CLEC4M: variants seen among roughly 807,000 people sequenced by gnomAD.
CLEC4M encodes C-type lectin domain family 4 member M.
A neutral mutation model predicts 39.1 loss-of-function variants in CLEC4M; 25 were observed. The ratio of observed to expected loss-of-function variants is 0.64; its 90% CI spans 0.47 to 0.89. CLEC4M has a LOEUF of 0.89. Ranked by LOEUF, CLEC4M falls within the 40% of genes least tolerant of loss-of-function variation. The pLI, the probability that CLEC4M is intolerant of heterozygous loss-of-function variation, is 0.00. For synonymous variants in CLEC4M, 155 were observed against 177.4 expected, an observed-to-expected ratio of 0.87 and a Z score of 1.00; for missense variants, 353 against 431.4, an observed-to-expected ratio of 0.82 and a Z score of 1.61.
intron 6 of CLEC4M, 96 bp downstream of exon 6, chr19:7,767,724 A>G (rs779752971): frequency 3.0e-6 from 3 of 989,278 alleles, no homozygotes; most frequent in Middle Eastern, 2.1e-4. Flanking sequence ...AACCTCCCTG[A>G]CCCCATAGGA....
Position 7,766,693 on chromosome 19 carries a change from C to G in CLEC4M, c.822C>G (p.Phe274Leu), listed in dbSNP as rs200725157. 6.2e-7 allele frequency: 1 copy of G among 1,614,240 alleles called. No homozygotes were observed. Among genetic ancestry groups the G allele is most frequent in the Admixed American group, 1.7e-5 (1 of 60,026 alleles). The change falls in exon 5 of 7, where the codon TTC (phenylalanine) becomes TTG (leucine). Residue 274 changes from phenylalanine to leucine, a missense_variant. Physicochemically the swap from Phe to Leu is conservative, Grantham distance 22. Around this residue, in one of 4 missense-constraint regions of CLEC4M, gnomAD observed 196 missense variants for 211.7 expected, o/e 0.93. Transcript: ENST00000327325. ...LCRHCPKDWT[F>L]FQGNCYFMSN... ...GCCACTGTCCCAAGGACTGGACATTCTTCCAAGGAAACTGTTACTTCATGT... is the reference window on the plus strand; with the variant it reads ...GCCACTGTCCCAAGGACTGGACATTGTTCCAAGGAAACTGTTACTTCATGT...
chr19:7,767,155 C>T (rs1326045736), intron 5 of CLEC4M: 2 of 441,756 alleles, frequency 4.5e-6, no homozygotes, highest in Non-Finnish European at 8.4e-6. Flanking sequence ...GATGTGCTGT[C>T]ACTCAGTGCA....
chr19:7,769,081 A>G lies in CLEC4M; in HGVS notation c.*93A>G. 1 of 1,334,044 alleles carries G rather than the reference A, an allele frequency of 7.5e-7. No homozygotes were observed. The allele number at this position is 1,334,044 out of a possible 1,614,324, so 82.6% of individuals were successfully genotyped here. ...TTCTTCTCTCCATCCTTGGACCTTCACAAATGCCCTGAGACGGTTCTCTGT... is the reference window on the plus strand; with the variant it reads ...TTCTTCTCTCCATCCTTGGACCTTCGCAAATGCCCTGAGACGGTTCTCTGT... On this transcript the variant is annotated 3_prime_UTR_variant, in exon 7 of 7. Coordinates refer to ENST00000327325, the MANE Select transcript of CLEC4M (RefSeq NM_014257.5).
Position 7,769,513 on chromosome 19 carries a change from A to T in CLEC4M, c.*525A>T, listed in dbSNP as rs1206213205. The T allele has an allele frequency of 6.5e-6, 1 of 153,382 alleles. No individual in the cohort carries two copies. The highest frequency in any genetic ancestry group is 2.4e-5 in the African/African-American group (1 of 41,210). The allele number at this position is 153,382 out of a possible 1,614,324, so 9.5% of individuals were successfully genotyped here. On this transcript the variant is annotated 3_prime_UTR_variant, in exon 7 of 7. Transcript: ENST00000327325. ...ATGGAGGCTCCATACAACCTCTTCCACCCCCACATCTTTCTTTGTCCTATA... is the reference window on the plus strand; with the variant it reads ...ATGGAGGCTCCATACAACCTCTTCCTCCCCCACATCTTTCTTTGTCCTATA...
chr19:7,767,038 T>C (rs965006363), intron 5 of CLEC4M: 5 of 688,662 alleles, frequency 7.3e-6, no homozygotes, highest in African/African-American at 7.2e-5. Context: ...CACCACAGCA[T>C]GCTGCAGGTG....
chr19:7,768,880 G>A lies in CLEC4M; in HGVS notation c.1092G>A (p.Gly364=). 3.1e-6 allele frequency: 5 copies of A among 1,614,186 alleles called. No homozygotes were observed. The highest frequency in any genetic ancestry group is 1.3e-5 in the African/African-American group (1 of 75,056). Residue 364 remains glycine, a synonymous_variant, in exon 7 of 7, where the codon GGG becomes GGA. Transcript: ENST00000327325. The stretch of plus-strand genomic sequence containing the variant: ...ACAGTGGAGAACCCAACAATAGCGG[G>A]AATGAAGACTGTGCGGAATTTAGTG... ...YWNSGEPNNS[G]NEDCAEFSGS...
chr19:7,769,090 C>A lies in CLEC4M; in HGVS notation c.*102C>A. The A allele has an allele frequency of 8.1e-7, 1 of 1,236,790 alleles. No individual in the cohort carries two copies. The highest frequency in any genetic ancestry group is 1.1e-6 in the Non-Finnish European group (1 of 880,126). The allele number at this position is 1,236,790 out of a possible 1,614,324, so 76.6% of individuals were successfully genotyped here. ...CCATCCTTGGACCTTCACAAATGCC[C>A]TGAGACGGTTCTCTGTTCGATTTTT... On this transcript the variant is annotated 3_prime_UTR_variant, in exon 7 of 7. Coordinates refer to ENST00000327325, the MANE Select transcript of CLEC4M (RefSeq NM_014257.5).
In CLEC4M at chr19:7,769,033, T is replaced by A; in HGVS notation, c.*45T>A. 4 of 1,593,102 alleles carry A rather than the reference T, an allele frequency of 2.5e-6. No homozygotes were observed. Among genetic ancestry groups the A allele is most frequent in the Non-Finnish European group, 3.4e-6 (4 of 1,165,096 alleles). ...AGCCTCCATTGTGGTATAGCAGAAC[T>A]TCACCCACTTGTAAGCCAGCGCTTC... On this transcript the variant is annotated 3_prime_UTR_variant, in exon 7 of 7. Coordinates refer to ENST00000327325, the MANE Select transcript of CLEC4M (RefSeq NM_014257.5).
chr19:7,763,287 A>T lies in CLEC4M; in HGVS notation c.21A>T (p.Pro7=), dbSNP rs201508426. MSDSKE[P]RVQQLGLLEE... Reference sequence around the variant, plus strand: ...AAAACATGAGTGACTCCAAGGAACCAAGGGTGCAGCAGCTGGGCCTCCTGG... The same window carrying T: ...AAAACATGAGTGACTCCAAGGAACCTAGGGTGCAGCAGCTGGGCCTCCTGG... Residue 7 remains proline (P), a synonymous_variant, in exon 1 of 7, where the codon CCA becomes CCT. Coordinates refer to ENST00000327325, the MANE Select transcript of CLEC4M (RefSeq NM_014257.5). 1 of 1,607,448 alleles carries T rather than the reference A, an allele frequency of 6.2e-7. No individual in the cohort carries two copies. The highest frequency in any genetic ancestry group is 1.1e-5 in the South Asian group (1 of 89,944).
At chr19:7,767,157 C>T (rs1256744925) in intron 5 of CLEC4M, 2 of 442,170 alleles carry the variant, frequency 4.5e-6, no homozygotes, top group African/African-American at 2.0e-5. Context: ...TGTGCTGTCA[C>T]TCAGTGCAGA....
chr19:7,765,202 G>A lies in CLEC4M; in HGVS notation c.148G>A (p.Ala50Thr), dbSNP rs370560578. 1.8e-5 allele frequency: 29 copies of A among 1,614,014 alleles called. No homozygotes were observed. The highest frequency in any genetic ancestry group is 1.6e-4 in the Middle Eastern group (1 of 6,084). The change falls in exon 3 of 7, where the codon GCC becomes ACC. Residue 50 changes from alanine (A) to threonine (T), a missense_variant. Physicochemically the swap from Ala to Thr is moderately conservative, Grantham distance 58. Transcript: ENST00000327325. ...KSSTGCLGHG[A>T]LVLQLLSFML... is the part of the protein sequence containing the mutation. ...TCTCTCAGGGTGTCTTGGCCATGGCGCCCTGGTGCTGCAACTCCTCTCCTT... is the reference window on the plus strand; with the variant it reads ...TCTCTCAGGGTGTCTTGGCCATGGCACCCTGGTGCTGCAACTCCTCTCCTT...
At position 7,766,788 on chromosome 19, in the gene CLEC4M, T is replaced by C. The variant is rs1283668154; in HGVS notation, c.917T>C (p.Ile306Thr). ...GAAGTGAGGGCCCAGCTCGTCGTAA[T>C]CAAAACTGCTGAGGAGCAGGTACAC... ...CQEVRAQLVV[I>T]KTAEEQNFLQ... Residue 306 changes from isoleucine (I) to threonine (T), a missense_variant, in exon 5 of 7, where the codon ATC becomes ACC. Ile to Thr is a moderately conservative substitution (Grantham distance 89). Around this residue, in one of 4 missense-constraint regions of CLEC4M, gnomAD observed 196 missense variants for 211.7 expected, o/e 0.93. Transcript: ENST00000327325. The C allele has an allele frequency of 1.2e-6, 2 of 1,614,184 alleles. No homozygotes were observed. The highest frequency in any genetic ancestry group is 2.7e-5 in the African/African-American group (2 of 75,050).
At chr19:7,767,999 TG>T in intron 6 of CLEC4M, 1 of 177,018 alleles carries the variant, frequency 5.6e-6, no homozygotes, top group South Asian at 1.4e-4. Flanking sequence ...AGGGGGCCGC[TG>T]GGGAAGCAGC....
rs958127231 is a variant in CLEC4M at position 7,765,773 on chromosome 19, C to T, written c.350C>T (p.Thr117Ile). The T allele has an allele frequency of 1.9e-6, 3 of 1,613,716 alleles. No individual in the cohort carries two copies. The highest frequency in any genetic ancestry group is 1.7e-6 in the Non-Finnish European group (2 of 1,179,742). The change falls in exon 4 of 7, where the codon ACC becomes ATC. Residue 117 changes from threonine (T) to isoleucine (I), a missense_variant. Physicochemically the swap from Thr to Ile is moderately conservative, Grantham distance 89 (BLOSUM62 -1). Around this residue, in one of 4 missense-constraint regions of CLEC4M, gnomAD observed 48 missense variants for 64.8 expected, o/e 0.74. Coordinates refer to ENST00000327325, the MANE Select transcript of CLEC4M (RefSeq NM_014257.5). ...CTGCAGGAGATCTACCAGGAGCTGA[C>T]CCAGCTGAAGGCTGCAGTGGGTGAG... ...SKLQEIYQEL[T>I]QLKAAVGELP...
chr19:7,767,747 G>A, intron 6 of CLEC4M, 119 bp downstream of exon 6: 1 of 804,018 alleles, frequency 1.2e-6, no homozygotes, highest in Non-Finnish European at 2.0e-6. Flanking sequence ...AAGAGTCTGG[G>A]GTTTTACTGA....
intron 5 of CLEC4M, chr19:7,767,306 G>T (rs892938921): frequency 5.4e-6 from 3 of 555,616 alleles, no homozygotes; most frequent in Non-Finnish European, 9.7e-6. Context: ...CATGAGGAGA[G>T]GCCAGCTGTG....
At chr19:7,766,286 G>C in intron 4 of CLEC4M, 79 bp downstream of exon 4, 1 of 1,583,250 alleles carries the variant, frequency 6.3e-7, no homozygotes. Flanking sequence ...TACCAACCCT[G>C]CCTGAGCCTC....
rs199708522 is a variant in CLEC4M at position 7,768,988 on chromosome 19, G to T, written c.1200G>T (p.Ter400TyrextTer5). 1.9e-4 allele frequency: 299 copies of T among 1,613,708 alleles called. 1 individual carries two copies. Among genetic ancestry groups the T allele is most frequent in the Non-Finnish European group, 2.4e-4 (280 of 1,179,678 alleles). ...KKPAACFRDE[*>Y] ...CCGCAGCCTGCTTCAGAGACGAATA[G>T]TTGTTTCCCTGCTAGCCTCAGCCTC... Residue 400 changes from the stop codon to tyrosine (Y), a stop_lost, in exon 7 of 7, where the codon TAG (stop) becomes TAT (tyrosine). Transcript: ENST00000327325.
intron 2 of CLEC4M, 90 bp downstream of exon 2, chr19:7,763,566 G>A: frequency 7.2e-6 from 8 of 1,109,548 alleles, no homozygotes; most frequent in Non-Finnish European, 1.1e-5. Context: ...CTGGAATCCT[G>A]GGTTCTGGGG....
Sources: allele counts gnomAD v4.1 joint callset, GRCh38; gene constraint gnomAD v4.1.1; regional missense constraint gnomAD v4.1.1; transcripts MANE v1.5; gene names NCBI Gene and HGNC (gene_info 2026-07-23, HGNC 2026-07-21).